CELF4: variants seen among roughly 807,000 people sequenced by gnomAD.
CELF4 encodes the protein CUGBP Elav-like family member 4, also known as CUG-BP- and ETR-3-like factor 4.
A neutral mutation model predicts 59.9 loss-of-function variants in CELF4; 18 were observed. The observed-to-expected ratio is 0.30, with a 90% CI of 0.21 to 0.45. CELF4 has a LOEUF of 0.45. Ranked by LOEUF, CELF4 falls within the 20% of genes least tolerant of loss-of-function variation. CELF4 has a pLI of 1.00. For missense variants in CELF4, 456 were observed against 689.0 expected (o/e 0.66, Z 3.79); for synonymous variants, 261 against 267.1 (o/e 0.98, Z 0.22).
chr18:37,421,940 A>G (rs1196699196), intron 2 of CELF4, among the ~76,000 whole-genome samples: 2 of 152,264 alleles, frequency 1.3e-5, no homozygotes, highest in African/African-American at 4.8e-5. Context: ...TTTAGAAAGC[A>G]GCAGAATGTG....
At chr18:37,406,101 A>T (rs1183782837) in intron 2 of CELF4, among the ~76,000 whole-genome samples, 1 of 151,882 alleles carries the variant, frequency 6.6e-6, no homozygotes, top group Non-Finnish European at 1.5e-5. Context: ...TGCCTCGCTG[A>T]GTTGTTTCAT....
intron 3 of CELF4, among the ~76,000 whole-genome samples, chr18:37,314,754 C>A (rs998205212): frequency 6.6e-6 from 1 of 152,178 alleles, no homozygotes; most frequent in Non-Finnish European, 1.5e-5. Flanking sequence ...GACATTCTCA[C>A]GGCCAGCTCA....
At chr18:37,309,632 G>A (rs1440221666) in intron 3 of CELF4, among the ~76,000 whole-genome samples, 1 of 152,046 alleles carries the variant, frequency 6.6e-6, no homozygotes, top group African/African-American at 2.4e-5. Flanking sequence ...TGGTAAGCTT[G>A]GGCTAGAGGA....
chr18:37,552,093 C>A (rs1276673616), intron 1 of CELF4, among the ~76,000 whole-genome samples: 1 of 152,232 alleles, frequency 6.6e-6, no homozygotes, highest in African/African-American at 2.4e-5. Flanking sequence ...GGCTTAGAGC[C>A]AGTGCCCCTA....
At chr18:37,294,420 C>T (rs1253284036) in intron 3 of CELF4, among the ~76,000 whole-genome samples, 6 of 152,124 alleles carry the variant, frequency 3.9e-5, no homozygotes, top group Non-Finnish European at 8.8e-5. Context: ...TGCCATCTGC[C>T]CCGAGTAGGT....
chr18:37,289,113 A>G (rs536821580), intron 3 of CELF4, among the ~76,000 whole-genome samples: 7 of 152,108 alleles, frequency 4.6e-5, no homozygotes, highest in Non-Finnish European at 1.0e-4. Context: ...AGTGCTTCCA[A>G]ATTAGGGCCT....
At chr18:37,512,949 T>C (rs191478126) in intron 1 of CELF4, among the ~76,000 whole-genome samples, 18 of 152,256 alleles carry the variant, frequency 1.2e-4, no homozygotes, top group Admixed American at 7.8e-4. Flanking sequence ...TCAGGGCCCA[T>C]GGATGACAGC....
At chr18:37,374,962 C>T (rs939197170) in intron 2 of CELF4, among the ~76,000 whole-genome samples, 1 of 152,196 alleles carries the variant, frequency 6.6e-6, no homozygotes, top group Non-Finnish European at 1.5e-5. Context: ...ATGGTGTGTG[C>T]ATGAGTGTGT....
chr18:37,430,532 G>T (rs1056629631), intron 2 of CELF4, among the ~76,000 whole-genome samples: 2 of 152,202 alleles, frequency 1.3e-5, no homozygotes, highest in Non-Finnish European at 2.9e-5. Context: ...AGAGCCTGCT[G>T]GGGCTTTAAA....
intron 2 of CELF4, among the ~76,000 whole-genome samples, chr18:37,357,159 A>G (rs1483493967): frequency 2.6e-5 from 4 of 152,204 alleles, no homozygotes; most frequent in Non-Finnish European, 4.4e-5. Context: ...AAGTTCCCAG[A>G]GGAGCTGAGG....
At chr18:37,549,342 T>C (rs1024824277) in intron 1 of CELF4, among the ~76,000 whole-genome samples, 1 of 152,216 alleles carries the variant, frequency 6.6e-6, no homozygotes, top group Non-Finnish European at 1.5e-5. Context: ...CACTCACTTG[T>C]ACATTTAACT....
intron 7 of CELF4, among the ~76,000 whole-genome samples, chr18:37,271,209 C>T (rs2091065523): frequency 6.6e-6 from 1 of 151,226 alleles, no homozygotes; most frequent in Non-Finnish European, 1.5e-5. Flanking sequence ...ACATAGACTA[C>T]TCTCAGTGCC....
At chr18:37,448,070 A>G (rs1603641421) in intron 2 of CELF4, among the ~76,000 whole-genome samples, 2 of 152,376 alleles carry the variant, frequency 1.3e-5, no homozygotes, top group South Asian at 2.1e-4. Flanking sequence ...CCAAATTAAA[A>G]TGATCTAGAG....
At chr18:37,317,801 A>T (rs1216268011) in intron 3 of CELF4, among the ~76,000 whole-genome samples, 1 of 152,200 alleles carries the variant, frequency 6.6e-6, no homozygotes. Flanking sequence ...CCTGAAAGTT[A>T]CAAAGCCTCT....
At chr18:37,273,204 G>C (rs749408635) in intron 6 of CELF4, 41 bp from the exon 7 acceptor site, 4 of 1,587,406 alleles carry the variant, frequency 2.5e-6, no homozygotes, top group Non-Finnish European at 3.4e-6. Context: ...GTGCTTCCAG[G>C]GGGCATCCCT....
At chr18:37,404,702 G>A (rs12455363) in intron 2 of CELF4, among the ~76,000 whole-genome samples, 1 of 152,298 alleles carries the variant, frequency 6.6e-6, no homozygotes, top group African/African-American at 2.4e-5. Context: ...AGAAAGCAGA[G>A]AGCCAGGATG....
intron 2 of CELF4, among the ~76,000 whole-genome samples, chr18:37,333,735 TCCA>T (rs2097651044): frequency 1.4e-5 from 2 of 148,134 alleles, no homozygotes; most frequent in Non-Finnish European, 3.0e-5. Flanking sequence ...CATCCATCCA[TCCA>T]TCCATCCATC....
At chr18:37,274,953 G>T in intron 4 of CELF4, 69 bp from the exon 5 acceptor site, 1 of 1,564,272 alleles carries the variant, frequency 6.4e-7, no homozygotes, top group Non-Finnish European at 8.7e-7. Flanking sequence ...AGGAGAGGGC[G>T]CATCCCAGGT....
chr18:37,324,671 G>A (rs559155699), intron 2 of CELF4, among the ~76,000 whole-genome samples: 6 of 152,110 alleles, frequency 3.9e-5, no homozygotes, highest in Non-Finnish European at 7.3e-5. Flanking sequence ...CATTAAAAAG[G>A]TACACTCAAG....
Sources: gnomAD v4.1 joint callset for allele counts (sites outside exome capture counted in the v4.1 genomes callset) on GRCh38, gnomAD v4.1.1 for gene constraint, MANE v1.5 for transcripts, NCBI Gene and HGNC (gene_info 2026-07-23, HGNC 2026-07-21) for gene names.